CSMD3: variants seen among roughly 807,000 people sequenced by gnomAD.
The protein encoded by CSMD3 is CUB and Sushi multiple domains 3.
CSMD3 carries 177 observed loss-of-function variants against 435.2 expected under a neutral mutation model. The ratio of observed to expected loss-of-function variants is 0.41; its 90% CI spans 0.36 to 0.46. The LOEUF (loss-of-function observed/expected upper bound fraction) is 0.46. CSMD3 is among the 20% of genes least tolerant of loss of function. The pLI is 0.34. For synonymous variants in CSMD3, 1,656 were observed against 1,520.5 expected, an observed-to-expected ratio of 1.09 and a Z score of -2.07; for missense variants, 4,265 against 4,504.6, an observed-to-expected ratio of 0.95 and a Z score of 1.52.
intron 10 of CSMD3, among the ~76,000 whole-genome samples, chr8:112,884,363 A>T (rs1399449228): frequency 6.6e-6 from 1 of 151,824 alleles, no homozygotes; most frequent in Non-Finnish European, 1.5e-5. Flanking sequence ...TTAGCAGACT[A>T]AAAATACTAG....
chr8:113,302,275 TA>T (rs1440523753), intron 2 of CSMD3, among the ~76,000 whole-genome samples: 14 of 38,236 alleles, frequency 3.7e-4, no homozygotes, highest in African/African-American at 1.7e-3. Flanking sequence ...ATATAATATA[TA>T]ATTATAATAT....
chr8:113,112,486 C>CGT lies in CSMD3; in HGVS notation c.710-13524_710-13523insAC, dbSNP rs1169805082. On this transcript the variant is annotated intron_variant, in intron 4 of 70. Transcript: ENST00000297405. ...ACACACACACACGTACACACACACA[C>CGT]ACACACACACACACACTTGTGAGTG... Among the ~76,000 whole-genome samples, 9 of 137,878 alleles carry CGT rather than the reference C, an allele frequency of 6.5e-5. 1 individual carries two copies. The highest frequency in any genetic ancestry group is 9.6e-5 in the Non-Finnish European group (6 of 62,322). The allele number at this position is 137,878 out of a possible 152,430, so 90.5% of individuals were successfully genotyped here.
intron 2 of CSMD3, among the ~76,000 whole-genome samples, chr8:113,287,170 A>G (rs776404925): frequency 6.6e-6 from 1 of 151,986 alleles, no homozygotes; most frequent in Non-Finnish European, 1.5e-5. Flanking sequence ...ATGCTAAGAT[A>G]TATTATATAA....
chr8:112,355,204 A>T (rs572780278), intron 38 of CSMD3, among the ~76,000 whole-genome samples: 1 of 152,316 alleles, frequency 6.6e-6, no homozygotes, highest in Admixed American at 6.5e-5. Flanking sequence ...CTAACTCTTG[A>T]TGGATTAGAT....
At chr8:113,112,691 A>G (rs1286756048) in intron 4 of CSMD3, among the ~76,000 whole-genome samples, 1 of 151,968 alleles carries the variant, frequency 6.6e-6, no homozygotes, top group East Asian at 1.9e-4. Flanking sequence ...TCCAAATGTC[A>G]GAACCTCCCA....
At chr8:113,337,420 T>C (rs2094084644) in intron 1 of CSMD3, among the ~76,000 whole-genome samples, 1 of 152,092 alleles carries the variant, frequency 6.6e-6, no homozygotes, top group Non-Finnish European at 1.5e-5. Flanking sequence ...CAAATGGAAC[T>C]GGGACAAGTG....
intron 3 of CSMD3, among the ~76,000 whole-genome samples, chr8:113,254,112 C>G (rs146699633): frequency 6.6e-6 from 1 of 152,250 alleles, no homozygotes; most frequent in African/African-American, 2.4e-5. Context: ...TCCGTCTGAT[C>G]TGAGTGTCTA....
chr8:112,985,291 AGGTGC>A (rs2085213933), intron 6 of CSMD3, among the ~76,000 whole-genome samples: 2 of 152,086 alleles, frequency 1.3e-5, no homozygotes, highest in African/African-American at 4.8e-5. Flanking sequence ...GATTAGAAAA[AGGTGC>A]GGTAGGGGAA....
Position 113,378,708 on chromosome 8 carries a change from C to G in CSMD3, c.178+57969G>C, listed in dbSNP as rs72670798. Among the ~76,000 whole-genome samples, 1,267 of 152,008 alleles carry G rather than the reference C, an allele frequency of 8.3e-3. 13 individuals carry two copies. The highest frequency in any genetic ancestry group is 0.014 in the Non-Finnish European group (941 of 67,992). ...TTCAGCTAGGGGAGATATTGCCACTCCCCACCATGGGAAATTTGGCAATGG... is the reference window on the plus strand; with the variant it reads ...TTCAGCTAGGGGAGATATTGCCACTGCCCACCATGGGAAATTTGGCAATGG... On this transcript the variant is annotated intron_variant, in intron 1 of 70. Coordinates refer to ENST00000297405, the MANE Select transcript of CSMD3 (RefSeq NM_198123.2).
In CSMD3 at chr8:112,768,559, T is replaced by G. The variant is rs1319766892; in HGVS notation, c.1972+31603A>C. Among the ~76,000 whole-genome samples, 8 of 151,922 alleles carry G rather than the reference T, an allele frequency of 5.3e-5. No homozygotes were observed. In the East Asian group the frequency reaches 1.5e-3, roughly 29 times the overall value. On this transcript the variant is annotated intron_variant, in intron 13 of 70. Transcript: ENST00000297405. ...CATTTTTAGAGTGAAGCTTTGTAAA[T>G]GAAAGAAATAGTGCACTGAGTTACA...
chr8:113,252,865 T>C (rs2093346598), intron 3 of CSMD3, among the ~76,000 whole-genome samples: 1 of 151,988 alleles, frequency 6.6e-6, no homozygotes, highest in South Asian at 2.1e-4. Flanking sequence ...CATCAAGATA[T>C]TATGGAAGCC....
intron 2 of CSMD3, among the ~76,000 whole-genome samples, chr8:113,299,653 A>G (rs2132576304): frequency 6.6e-6 from 1 of 152,208 alleles, no homozygotes; most frequent in African/African-American, 2.4e-5. Context: ...GCAAATTAAA[A>G]CCGCAATGAG....
chr8:112,429,842 C>A (rs1230193959), intron 32 of CSMD3, among the ~76,000 whole-genome samples: 1 of 151,556 alleles, frequency 6.6e-6, no homozygotes, highest in Non-Finnish European at 1.5e-5. Context: ...AATTTTTTTT[C>A]TTTTTTTAAT....
chr8:112,321,364 G>T (rs1415350547), intron 45 of CSMD3, among the ~76,000 whole-genome samples: 1 of 151,998 alleles, frequency 6.6e-6, no homozygotes, highest in Non-Finnish European at 1.5e-5. Flanking sequence ...AAAGTATTAT[G>T]GGAGTATTGA....
chr8:112,320,750 A>C (rs1231490840), intron 45 of CSMD3, among the ~76,000 whole-genome samples: 1 of 151,738 alleles, frequency 6.6e-6, no homozygotes, highest in Non-Finnish European at 1.5e-5. Context: ...CCATTCTTTA[A>C]AAAAGAAAAC....
At chr8:112,694,620 G>A (rs1586988172) in intron 13 of CSMD3, among the ~76,000 whole-genome samples, 1 of 151,994 alleles carries the variant, frequency 6.6e-6, no homozygotes, top group Admixed American at 6.6e-5. Context: ...TACACAGTAA[G>A]TAAAGTAAAC....
At chr8:113,122,703 G>T (rs959895678) in intron 4 of CSMD3, among the ~76,000 whole-genome samples, 2 of 152,054 alleles carry the variant, frequency 1.3e-5, no homozygotes, top group African/African-American at 4.8e-5. Context: ...CCAAGGCAAT[G>T]GTCAGATTCC....
chr8:112,463,461 T>G (rs1817654722), intron 32 of CSMD3, among the ~76,000 whole-genome samples: 1 of 151,994 alleles, frequency 6.6e-6, no homozygotes, highest in African/African-American at 2.4e-5. Flanking sequence ...CCACTAGAGG[T>G]CTTTCTTCTC....
At chr8:112,310,893 G>A (rs1434118679) in intron 50 of CSMD3, 85 bp downstream of exon 50, 1 of 1,129,520 alleles carries the variant, frequency 8.9e-7, no homozygotes, top group Non-Finnish European at 1.3e-6. Context: ...TCCATTCTCA[G>A]AAAAGTTAGT....
Sources: gnomAD v4.1 joint callset for allele counts (sites outside exome capture counted in the v4.1 genomes callset) on GRCh38, gnomAD v4.1.1 for gene constraint, MANE v1.5 for transcripts, NCBI Gene and HGNC (gene_info 2026-07-23, HGNC 2026-07-21) for gene names.